Variants in GPI observed in about 807,000 individuals in gnomAD.
GPI encodes the protein glucose-6-phosphate isomerase.
Under a neutral mutation model 75.8 loss-of-function variants are expected in GPI, and 56 were observed. The ratio of observed to expected loss-of-function variants is 0.74; its 90% CI spans 0.60 to 0.92. The LOEUF is 0.92. GPI is among the 40% of genes least tolerant of loss of function. GPI has a pLI of 0.00. For synonymous variants in GPI, 288 were observed against 285.4 expected (o/e 1.01, Z -0.09); for missense variants, 638 against 741.0 (o/e 0.86, Z 1.61).
chr19:34,372,671 G>T (rs551977182), intron 4 of GPI, among the ~76,000 whole-genome samples: 4 of 152,310 alleles, frequency 2.6e-5, no homozygotes, highest in Non-Finnish European at 5.9e-5. Context: ...ACCCAGCAAG[G>T]TGCAGTGGCT....
At chr19:34,395,318 C>T (rs1005228679) in intron 12 of GPI, among the ~76,000 whole-genome samples, 17 of 151,796 alleles carry the variant, frequency 1.1e-4, no homozygotes, top group Non-Finnish European at 2.2e-4. Flanking sequence ...ATTGCTTGAG[C>T]CCAGGAGTTC....
intron 2 of GPI, 69 bp downstream of exon 2, chr19:34,366,504 T>A: frequency 2.9e-6 from 3 of 1,035,304 alleles, no homozygotes; most frequent in African/African-American, 1.6e-5. Context: ...CTCCTGGGAG[T>A]CCCCAGGACC....
chr19:34,392,827 G>C (rs2074883639), intron 9 of GPI: 1 of 243,646 alleles, frequency 4.1e-6, no homozygotes, highest in African/African-American at 4.2e-5. Context: ...ATCTGGGTGT[G>C]TCCGTGTCTG....
rs1243433993 is a variant in GPI, at chr19:34,381,308, C to T, written c.751-158C>T. 5.6e-6 allele frequency: 4 copies of T among 714,172 alleles called. No homozygotes were observed. In the Admixed American group the frequency reaches 7.9e-5, roughly 14 times the overall value. The allele number at this position is 714,172 out of a possible 1,614,324, so 44.2% of individuals were successfully genotyped here. ...GGGTGGGCAGATCCTGGGCCCTGCC[C>T]TCGACTCACAGGCTGCTCCAGCCCT... On this transcript the variant is annotated intron_variant, in intron 8 of 17. Transcript: ENST00000356487.
rs1062480 is a variant in GPI at position 34,377,851 on chromosome 19, C to T, written c.603C>T (p.Pro201=). Residue 201 remains proline (P), a synonymous_variant, in exon 6 of 18, where the codon CCC becomes CCT. Coordinates refer to ENST00000356487, the MANE Select transcript of GPI (RefSeq NM_000175.5). ...HIAKTLAQLN[P]ESSLFIIASK... ...CCAAAACCCTGGCCCAGCTGAACCC[C>T]GAGTCCTCCCTGTTCATCATTGCCT... 3.2e-5 allele frequency: 51 copies of T among 1,614,006 alleles called. No individual in the cohort carries two copies. The highest frequency in any genetic ancestry group is 3.6e-5 in the Non-Finnish European group (43 of 1,180,014).
chr19:34,370,369 T>A (rs117512891), intron 4 of GPI, among the ~76,000 whole-genome samples: 2 of 152,112 alleles, frequency 1.3e-5, no homozygotes, highest in South Asian at 4.1e-4. Context: ...CTAGGAGCAG[T>A]GGCCTCCATG....
intron 9 of GPI, among the ~76,000 whole-genome samples, chr19:34,386,133 G>C (rs1295442973): frequency 6.6e-6 from 1 of 151,872 alleles, no homozygotes; most frequent in Non-Finnish European, 1.5e-5. Context: ...GTACAGGTAG[G>C]TAGTCTGGGT....
chr19:34,367,878 A>G (rs1157436267), intron 3 of GPI, among the ~76,000 whole-genome samples: 2 of 152,298 alleles, frequency 1.3e-5, no homozygotes, highest in Middle Eastern at 3.4e-3. Context: ...TGGGAGGATG[A>G]GGTTACTTCA....
Position 34,393,202 on chromosome 19 carries a change from C to A in GPI, c.805-46C>A. Reference sequence around the variant, plus strand: ...AGGGTTTCCGGCAGGAGGTGGGGGGCGGGGTGTGCCGGCCCTCCCTCAGCA... The same window carrying A: ...AGGGTTTCCGGCAGGAGGTGGGGGGAGGGGTGTGCCGGCCCTCCCTCAGCA... On this transcript the variant is annotated intron_variant, in intron 9 of 17. Coordinates refer to ENST00000356487, the MANE Select transcript of GPI (RefSeq NM_000175.5). The surrounding 1 kb of genome is among the most constrained non-coding windows in gnomAD (Gnocchi z 4.4). 2 of 1,415,694 alleles carry A rather than the reference C, an allele frequency of 1.4e-6. No individual in the cohort carries two copies. 87.7% of individuals were successfully genotyped at this position (1,415,694 alleles called of 1,614,324 possible).
chr19:34,375,695 A>C (rs1460175348), intron 4 of GPI, among the ~76,000 whole-genome samples: 1 of 152,240 alleles, frequency 6.6e-6, no homozygotes. Flanking sequence ...TTCTTTATGA[A>C]ACTGTTTGAA....
upstream of GPI, among the ~76,000 whole-genome samples, chr19:34,362,741 G>A (rs111272750): frequency 1.1e-4 from 16 of 152,284 alleles, no homozygotes; most frequent in South Asian, 4.1e-4. Flanking sequence ...CATTCTCTTC[G>A]TTATTTTCCT....
In GPI at chr19:34,379,985, G is replaced by GTT. The variant is rs1356302354; in HGVS notation, c.750+426_750+427dup. 6.9e-3 allele frequency: 882 copies of GTT among 127,828 alleles called. 213 individuals carry two copies. Among genetic ancestry groups the GTT allele is most frequent in the African/African-American group, 0.018 (450 of 25,220 alleles). The allele number at this position is 127,828 out of a possible 1,614,324, so 7.9% of individuals were successfully genotyped here. ...TTTTGCCCCCTACTTAGTGTGTGTG[G>GTT]TTTTGTTTTTTTTTTTTTTTTTTTT... On this transcript the variant is annotated intron_variant, in intron 8 of 17. Coordinates refer to ENST00000356487, the MANE Select transcript of GPI (RefSeq NM_000175.5).
At chr19:34,398,840 G>T (rs879504775) in intron 14 of GPI, 1 of 206,296 alleles carries the variant, frequency 4.8e-6, no homozygotes, top group Non-Finnish European at 1.0e-5. Flanking sequence ...CCTGCCTGAT[G>T]ACAGGCATGC....
Position 34,381,529 on chromosome 19 carries a change from A to G in GPI, c.804+10A>G, listed in dbSNP as rs376810364. On this transcript the variant is annotated intron_variant, in intron 9 of 17. Transcript: ENST00000356487. ...GTTCGAGTTCTGGGATGTAAGTACAAGCACTTCTGCACTGGGTGAATTAAG... is the reference window on the plus strand; with the variant it reads ...GTTCGAGTTCTGGGATGTAAGTACAGGCACTTCTGCACTGGGTGAATTAAG... 7 of 1,584,348 alleles carry G rather than the reference A, an allele frequency of 4.4e-6. No homozygotes were observed. Among genetic ancestry groups the G allele is most frequent in the Non-Finnish European group, 5.2e-6 (6 of 1,153,150 alleles).
At chr19:34,397,362 T>C (rs1004838646) in intron 14 of GPI, 1 of 152,802 alleles carries the variant, frequency 6.5e-6, no homozygotes, top group African/African-American at 2.4e-5. Context: ...ATCCTCTAGC[T>C]TGTGGGCCTC....
In GPI at chr19:34,393,947, A is replaced by T. The variant is rs749823357; in HGVS notation, c.943A>T (p.Asn315Tyr). The T allele has an allele frequency of 6.2e-7, 1 of 1,613,632 alleles. No homozygotes were observed. The highest frequency in any genetic ancestry group is 1.1e-5 in the South Asian group (1 of 91,062). ...CTTCCGCACGACGCCCCTGGAGAAG[A>T]ACGCCCCCGTCTTGCTGGCCCTGCT... ...QHFRTTPLEKNAPVLLALLGI... is the reference protein window; with the variant it reads ...QHFRTTPLEKYAPVLLALLGI... Residue 315 changes from asparagine to tyrosine, a missense_variant, in exon 12 of 18, where the codon AAC becomes TAC. Coordinates refer to ENST00000356487, the MANE Select transcript of GPI (RefSeq NM_000175.5). This position sits in a 1 kb window ranked among gnomAD's most constrained non-coding sequence, Gnocchi z 4.4.
In GPI at chr19:34,393,416, T is replaced by A; in HGVS notation, c.865+108T>A. 1 of 904,688 alleles carries A rather than the reference T, an allele frequency of 1.1e-6. No homozygotes were observed. Among genetic ancestry groups the A allele is most frequent in the Non-Finnish European group, 1.9e-6 (1 of 535,130 alleles). 56.0% of individuals were successfully genotyped at this position (904,688 alleles called of 1,614,324 possible). ...ACATCATGCTGTCCTCACAGGCTGC[T>A]GGCCTCTCTGCAGCTGGCTGGGATA... is the stretch of plus-strand genomic sequence containing the variant. On this transcript the variant is annotated intron_variant, in intron 10 of 17. Coordinates refer to ENST00000356487, the MANE Select transcript of GPI (RefSeq NM_000175.5). The surrounding 1 kb of genome is among the most constrained non-coding windows in gnomAD (Gnocchi z 4.4).
At chr19:34,364,625 G>A, upstream of GPI, 1 of 238,220 alleles carries the variant, frequency 4.2e-6, no homozygotes, top group East Asian at 7.9e-5. Flanking sequence ...TGATCCGCCT[G>A]CCTCGGCCTC....
intron 9 of GPI, among the ~76,000 whole-genome samples, chr19:34,385,297 C>T (rs988126664): frequency 1.3e-5 from 2 of 150,114 alleles, no homozygotes; most frequent in Non-Finnish European, 3.0e-5. Context: ...TGCAGTGAGC[C>T]GAGATCATGC....
Sources: gnomAD v4.1 joint callset for allele counts (sites outside exome capture counted in the v4.1 genomes callset) on GRCh38, gnomAD v4.1.1 for gene constraint, Gnocchi (gnomAD v3.1) non-coding constraint, MANE v1.5 for transcripts, NCBI Gene and HGNC (gene_info 2026-07-23, HGNC 2026-07-21) for gene names.